Variants in ST6GALNAC3 observed in about 807,000 individuals in gnomAD.
ST6GALNAC3 encodes alpha-N-acetylgalactosaminide alpha-2,6-sialyltransferase 3.
Under a neutral mutation model 32.7 loss-of-function variants are expected in ST6GALNAC3, and 25 were observed. The observed-to-expected ratio is 0.76, with a 90% CI of 0.56 to 1.07. The LOEUF is 1.07. ST6GALNAC3 is among the 50% of genes least tolerant of loss of function. The probability of loss-of-function intolerance (pLI) is 0.00; values close to 1 mark genes in which losing one functional copy is unlikely to be tolerated. For missense variants in ST6GALNAC3, 355 were observed against 382.4 expected, an observed-to-expected ratio of 0.93 and a Z score of 0.60; for synonymous variants, 129 against 133.1, an observed-to-expected ratio of 0.97 and a Z score of 0.21.
At chr1:76,490,490 AT>A (rs1246089575) in intron 3 of ST6GALNAC3, among the ~76,000 whole-genome samples, 4 of 149,356 alleles carry the variant, frequency 2.7e-5, no homozygotes, top group Non-Finnish European at 4.4e-5. Flanking sequence ...ATATATTTAT[AT>A]ATCAATATAT....
At position 76,129,224 on chromosome 1, in the gene ST6GALNAC3, A is replaced by AC. The variant is rs151307064; in HGVS notation, c.18+54342dup. ...CTGTGGGGTCCCAAGGAGGTGAACA[A>AC]CCTAGGGCAGCATAACTTCCAAGTT... On this transcript the variant is annotated intron_variant, in intron 1 of 4. Transcript: ENST00000328299. 2.2e-3 allele frequency among the ~76,000 whole-genome samples: 332 copies of AC among 152,178 alleles called. 1 individual carries two copies. Among genetic ancestry groups the AC allele is most frequent in the Middle Eastern group, 0.01 (3 of 292 alleles).
In ST6GALNAC3 at chr1:76,579,499, A is replaced by G. The variant is rs1213436754; in HGVS notation, c.624-47953A>G. On this transcript the variant is annotated intron_variant, in intron 3 of 4. Coordinates refer to ENST00000328299, the MANE Select transcript of ST6GALNAC3 (RefSeq NM_152996.4). ...TGTCATCAGATCTCCAGTCAATGCAATTATCTAATGCATCATACATTTTTT... is the reference window on the plus strand; with the variant it reads ...TGTCATCAGATCTCCAGTCAATGCAGTTATCTAATGCATCATACATTTTTT... 2.0e-5 allele frequency among the ~76,000 whole-genome samples: 3 copies of G among 152,234 alleles called. No individual in the cohort carries two copies. In the East Asian group the frequency reaches 5.8e-4, roughly 29 times the overall value.
At chr1:76,166,961 G>C (rs528632004) in intron 1 of ST6GALNAC3, among the ~76,000 whole-genome samples, 1 of 152,196 alleles carries the variant, frequency 6.6e-6, no homozygotes, top group South Asian at 2.1e-4. Flanking sequence ...GGGATAGTTT[G>C]ACTTCCTCTC....
chr1:76,235,308 C>G (rs920592459), intron 1 of ST6GALNAC3, among the ~76,000 whole-genome samples: 1 of 152,068 alleles, frequency 6.6e-6, no homozygotes, highest in Non-Finnish European at 1.5e-5. Flanking sequence ...AAGTTCAAGT[C>G]TAGCCTGGGC....
At chr1:76,460,226 T>C (rs79574145) in intron 3 of ST6GALNAC3, among the ~76,000 whole-genome samples, 2,935 of 152,302 alleles carry the variant, frequency 0.019, 90 homozygotes, top group African/African-American at 0.064. Flanking sequence ...ATTTTCCTAA[T>C]GACTAATGAC....
chr1:76,307,509 A>G (rs137984841), intron 1 of ST6GALNAC3, among the ~76,000 whole-genome samples: 8 of 152,270 alleles, frequency 5.3e-5, no homozygotes, highest in African/African-American at 1.9e-4. Flanking sequence ...GTAGGGACTC[A>G]TCAATGTGTG....
intron 1 of ST6GALNAC3, among the ~76,000 whole-genome samples, chr1:76,196,101 A>G (rs1431506677): frequency 1.3e-5 from 2 of 152,216 alleles, no homozygotes; most frequent in East Asian, 1.9e-4. Context: ...GAATTAATGT[A>G]TAAACAGCTT....
At chr1:76,395,433 C>T (rs1366029715) in intron 2 of ST6GALNAC3, among the ~76,000 whole-genome samples, 1 of 152,164 alleles carries the variant, frequency 6.6e-6, no homozygotes, top group South Asian at 2.1e-4. Context: ...AGCAATCCTA[C>T]TACTGGGTAG....
At chr1:76,272,101 G>A (rs1570646984) in intron 1 of ST6GALNAC3, among the ~76,000 whole-genome samples, 1 of 152,118 alleles carries the variant, frequency 6.6e-6, no homozygotes, top group Non-Finnish European at 1.5e-5. Context: ...GGTGAGGTGG[G>A]TGGATCATGA....
At chr1:76,133,644 C>T (rs545218656) in intron 1 of ST6GALNAC3, among the ~76,000 whole-genome samples, 126 of 152,296 alleles carry the variant, frequency 8.3e-4, no homozygotes, top group African/African-American at 2.5e-3. Flanking sequence ...TTGGTGAGAC[C>T]GCAGTAAGTA....
intron 1 of ST6GALNAC3, among the ~76,000 whole-genome samples, chr1:76,112,537 C>T (rs1648097559): frequency 1.3e-5 from 2 of 151,800 alleles, no homozygotes; most frequent in East Asian, 2.0e-4. Context: ...ACCTCCCTCC[C>T]GGACGGGGTG....
intron 1 of ST6GALNAC3, 114 bp downstream of exon 1, chr1:76,074,998 A>G (rs1326535996): frequency 2.6e-5 from 36 of 1,383,734 alleles, no homozygotes; most frequent in Non-Finnish European, 3.6e-5. Flanking sequence ...TTTTCCTGGC[A>G]TTGATTTTCT....
intron 1 of ST6GALNAC3, among the ~76,000 whole-genome samples, chr1:76,271,143 G>C (rs886310904): frequency 6.6e-6 from 1 of 152,088 alleles, no homozygotes; most frequent in Non-Finnish European, 1.5e-5. Context: ...CTTCTTGTTT[G>C]AACTCATGTC....
At chr1:76,211,878 A>G (rs987868369) in intron 1 of ST6GALNAC3, among the ~76,000 whole-genome samples, 1 of 152,172 alleles carries the variant, frequency 6.6e-6, no homozygotes, top group Non-Finnish European at 1.5e-5. Context: ...TGGCACATGT[A>G]TACATATGTA....
chr1:76,237,430 T>C (rs181556921), intron 1 of ST6GALNAC3, among the ~76,000 whole-genome samples: 2 of 152,284 alleles, frequency 1.3e-5, no homozygotes, highest in East Asian at 3.9e-4. Context: ...TGGAATTCTT[T>C]AATGCAGTGA....
intron 3 of ST6GALNAC3, among the ~76,000 whole-genome samples, chr1:76,431,309 T>A (rs1655736435): frequency 6.6e-6 from 1 of 152,158 alleles, no homozygotes; most frequent in African/African-American, 2.4e-5. Context: ...TCTCAAATGC[T>A]TTATCTCCTC....
intron 3 of ST6GALNAC3, chr1:76,576,851 A>C (rs967943379): frequency 2.3e-6 from 3 of 1,305,032 alleles, no homozygotes; most frequent in Non-Finnish European, 3.0e-6. Flanking sequence ...TCCAGTACAG[A>C]GTGACCATGC....
chr1:76,344,278 C>A (rs12069012), intron 2 of ST6GALNAC3, among the ~76,000 whole-genome samples: 36,937 of 152,070 alleles, frequency 0.24, 5,873 homozygotes, highest in African/African-American at 0.45. Context: ...TCTGGGAAGA[C>A]ATGAAAGCCT....
intron 3 of ST6GALNAC3, among the ~76,000 whole-genome samples, chr1:76,517,821 G>A (rs1215938247): frequency 6.6e-6 from 1 of 151,906 alleles, no homozygotes; most frequent in East Asian, 1.9e-4. Context: ...GATTTTAAAT[G>A]TATGCAATTG....
Sources: allele counts gnomAD v4.1 joint callset (sites outside exome capture counted in the v4.1 genomes callset), GRCh38; gene constraint gnomAD v4.1.1; transcripts MANE v1.5; gene names NCBI Gene and HGNC (gene_info 2026-07-23, HGNC 2026-07-21).